Variants in NELL2 observed in about 807,000 individuals in gnomAD.
The protein encoded by NELL2 is neural EGFL like 2.
In NELL2, 41 loss-of-function variants were observed where a neutral mutation model predicts 109.6. That is an observed-to-expected ratio of 0.37 (90% CI 0.29 to 0.49). The LOEUF (loss-of-function observed/expected upper bound fraction) is 0.49. NELL2 is among the 20% of genes least tolerant of loss of function. The pLI, the probability that NELL2 is intolerant of heterozygous loss-of-function variation, is 0.98. For missense variants in NELL2, 900 were observed against 1,008.3 expected (o/e 0.89, Z 1.45); for synonymous variants, 355 against 344.7 (o/e 1.03, Z -0.33).
intron 15 of NELL2, among the ~76,000 whole-genome samples, chr12:44,600,934 T>C (rs1434378427): frequency 6.6e-6 from 1 of 152,142 alleles, no homozygotes; most frequent in African/African-American, 2.4e-5. Context: ...AACAATTATC[T>C]TAAAAGTGAC....
intron 9 of NELL2, among the ~76,000 whole-genome samples, chr12:44,760,361 T>G (rs1280367381): frequency 6.6e-6 from 1 of 152,122 alleles, no homozygotes; most frequent in African/African-American, 2.4e-5. Context: ...ATAAGACATA[T>G]TCCAAGCTAT....
At chr12:44,537,196 T>C (rs79566122) in intron 15 of NELL2, among the ~76,000 whole-genome samples, 1,793 of 152,116 alleles carry the variant, frequency 0.012, 16 homozygotes, top group Non-Finnish European at 0.02. Context: ...GCCAGCAGCA[T>C]TTAAAGGGTC....
At chr12:44,514,191 T>C (rs1314940613) in intron 19 of NELL2, among the ~76,000 whole-genome samples, 1 of 151,872 alleles carries the variant, frequency 6.6e-6, no homozygotes, top group African/African-American at 2.4e-5. Flanking sequence ...ATTCTTCAAA[T>C]ATAAAGACAC....
At chr12:44,641,902 G>T (rs1236771965) in intron 13 of NELL2, among the ~76,000 whole-genome samples, 2 of 151,858 alleles carry the variant, frequency 1.3e-5, no homozygotes, top group African/African-American at 4.8e-5. Flanking sequence ...TCACAGTATT[G>T]CCCAGGCTGG....
chr12:44,849,832 A>G (rs1160936058), intron 2 of NELL2, among the ~76,000 whole-genome samples: 2 of 152,224 alleles, frequency 1.3e-5, no homozygotes, highest in Non-Finnish European at 2.9e-5. Context: ...CATTACTGAT[A>G]CATACAACAT....
intron 3 of NELL2, among the ~76,000 whole-genome samples, chr12:44,809,492 G>C (rs12827216): frequency 0.16 from 24,369 of 151,800 alleles, 2,276 homozygotes; most frequent in East Asian, 0.37. Flanking sequence ...GTTTTTTTTA[G>C]GTTATGCTGC....
chr12:44,788,865 T>C (rs1942277432), intron 3 of NELL2, among the ~76,000 whole-genome samples: 1 of 152,056 alleles, frequency 6.6e-6, no homozygotes, highest in Non-Finnish European at 1.5e-5. Flanking sequence ...GCATGGCAGT[T>C]CGGTGAGGCC....
At chr12:44,658,215 A>G (rs1203739816) in intron 13 of NELL2, among the ~76,000 whole-genome samples, 1 of 152,170 alleles carries the variant, frequency 6.6e-6, no homozygotes, top group Non-Finnish European at 1.5e-5. Flanking sequence ...TCAGCCCAAA[A>G]TCTCTTTTAA....
At chr12:44,753,038 A>T (rs1439674558) in intron 9 of NELL2, among the ~76,000 whole-genome samples, 1 of 152,066 alleles carries the variant, frequency 6.6e-6, no homozygotes. Flanking sequence ...CCTGAACTTT[A>T]TGCAGTTCAT....
chr12:44,525,476 T>C (rs1941721625), intron 16 of NELL2, among the ~76,000 whole-genome samples: 1 of 152,156 alleles, frequency 6.6e-6, no homozygotes, highest in Admixed American at 6.5e-5. Context: ...TGAACTCAGC[T>C]TGCCTTTTCT....
At position 44,531,849 on chromosome 12, in the gene NELL2, C is replaced by G. The variant is rs1247597684; in HGVS notation, c.1804+732G>C. On this transcript the variant is annotated intron_variant, in intron 16 of 19. Transcript: ENST00000429094. ...GTTTTTCATTCCTATGCCAAGACTT[C>G]TGATGGCAAATTCTTTCAGTGCGGG... Among the ~76,000 whole-genome samples the G allele has an allele frequency of 2.0e-5, 3 of 152,280 alleles. No individual in the cohort carries two copies. The East Asian group carries it at 5.8e-4, about 29-fold the overall frequency.
At chr12:44,578,695 A>G (rs1364040822) in intron 15 of NELL2, among the ~76,000 whole-genome samples, 1 of 151,964 alleles carries the variant, frequency 6.6e-6, no homozygotes, top group Admixed American at 6.5e-5. Flanking sequence ...ACTGGGCAAG[A>G]GATCCACCCA....
chr12:44,657,700 A>G (rs1318628248), intron 13 of NELL2, among the ~76,000 whole-genome samples: 2 of 152,058 alleles, frequency 1.3e-5, no homozygotes, highest in African/African-American at 4.8e-5. Flanking sequence ...TCATTGTTCA[A>G]CACTCACTTA....
chr12:44,638,965 C>T (rs549814408), intron 13 of NELL2, among the ~76,000 whole-genome samples: 8 of 152,148 alleles, frequency 5.3e-5, no homozygotes, highest in East Asian at 1.9e-4. Context: ...ATATTTTATT[C>T]GACCCAATAC....
intron 18 of NELL2, among the ~76,000 whole-genome samples, chr12:44,521,386 C>T (rs983925944): frequency 3.7e-4 from 56 of 151,650 alleles, no homozygotes; most frequent in African/African-American, 1.2e-3. Flanking sequence ...AAAAATTAGC[C>T]GGGCGTAGTG....
chr12:44,797,924 AACCATTCCATCCT>A (rs1201984126), intron 3 of NELL2, among the ~76,000 whole-genome samples: 2 of 69,954 alleles, frequency 2.9e-5, no homozygotes, highest in African/African-American at 3.5e-5. Flanking sequence ...GATGGAATAA[AACCATTCCATCCT>A]AGATGGAATG....
At chr12:44,910,618 A>G (rs1163809616) in intron 1 of NELL2, among the ~76,000 whole-genome samples, 5 of 152,034 alleles carry the variant, frequency 3.3e-5, no homozygotes, top group Non-Finnish European at 7.4e-5. Flanking sequence ...TATATACTCA[A>G]AGGAAAATAA....
At chr12:44,804,521 A>G (rs1942935717) in intron 3 of NELL2, among the ~76,000 whole-genome samples, 3 of 151,908 alleles carry the variant, frequency 2.0e-5, no homozygotes, top group Non-Finnish European at 2.9e-5. Context: ...CTTAATCGTA[A>G]CTAAAGGAAA....
chr12:44,537,398 C>T (rs1276709321), intron 15 of NELL2, among the ~76,000 whole-genome samples: 1 of 151,980 alleles, frequency 6.6e-6, no homozygotes, highest in East Asian at 1.9e-4. Context: ...TTAACACTCT[C>T]AAGAAAACTG....
Sources: allele counts gnomAD v4.1 joint callset (sites outside exome capture counted in the v4.1 genomes callset), GRCh38; gene constraint gnomAD v4.1.1; transcripts MANE v1.5; gene names NCBI Gene and HGNC (gene_info 2026-07-23, HGNC 2026-07-21).